CRTC3: variants seen among roughly 807,000 people sequenced by gnomAD.
CRTC3 encodes the protein CREB regulated transcription coactivator 3, also known as CREB-regulated transcription coactivator 3.
In CRTC3, 26 loss-of-function variants were observed where a neutral mutation model predicts 74.5. The observed-to-expected ratio is 0.35, with a 90% CI of 0.26 to 0.48. CRTC3 has a LOEUF of 0.48. Among genes scored for constraint, CRTC3 ranks in the 20% least tolerant of loss-of-function variants. The pLI is 0.99. For missense variants in CRTC3, 760 were observed against 787.3 expected (o/e 0.97, Z 0.41); for synonymous variants, 377 against 325.8 (o/e 1.16, Z -1.69).
chr15:90,620,619 C>T (rs1968618765), intron 9 of CRTC3, among the ~76,000 whole-genome samples: 1 of 152,008 alleles, frequency 6.6e-6, no homozygotes, highest in Non-Finnish European at 1.5e-5. Flanking sequence ...GAGAGGACCC[C>T]TTGGAACTCG....
chr15:90,631,151 C>G (rs544789612), intron 11 of CRTC3, among the ~76,000 whole-genome samples: 16 of 152,266 alleles, frequency 1.1e-4, no homozygotes, highest in African/African-American at 2.9e-4. Context: ...CAGAACACAA[C>G]GGAGAGTTAG....
chr15:90,640,857 G>T (rs1969412696), intron 13 of CRTC3, among the ~76,000 whole-genome samples: 1 of 152,082 alleles, frequency 6.6e-6, no homozygotes, highest in South Asian at 2.1e-4. Flanking sequence ...GGTGTAGTGG[G>T]CTGGGGAAAA....
intron 2 of CRTC3, among the ~76,000 whole-genome samples, chr15:90,554,454 C>T (rs940860274): frequency 7.2e-5 from 11 of 152,290 alleles, no homozygotes; most frequent in Admixed American, 5.2e-4. Context: ...CCTCCCGCCT[C>T]GGCCTCCCAA....
At chr15:90,601,509 C>T (rs1386222361) in intron 3 of CRTC3, among the ~76,000 whole-genome samples, 2 of 152,086 alleles carry the variant, frequency 1.3e-5, no homozygotes, top group Admixed American at 1.3e-4. Context: ...CAAAATTAGC[C>T]GGGTGTGGTG....
intron 4 of CRTC3, among the ~76,000 whole-genome samples, chr15:90,602,892 T>C (rs1386671597): frequency 2.0e-5 from 3 of 151,960 alleles, no homozygotes; most frequent in Non-Finnish European, 4.4e-5. Context: ...GAGAGTTGCT[T>C]GAACCAGAGA....
chr15:90,539,765 C>T, intron 1 of CRTC3: 3 of 361,268 alleles, frequency 8.3e-6, no homozygotes, highest in South Asian at 3.2e-5. Context: ...AAGATTATGC[C>T]AGTGTATCCA....
intron 2 of CRTC3, among the ~76,000 whole-genome samples, chr15:90,576,572 T>C (rs1967408901): frequency 6.6e-6 from 1 of 152,028 alleles, no homozygotes; most frequent in Non-Finnish European, 1.5e-5. Flanking sequence ...TGGAGTGATA[T>C]GACAGAGCCC....
At chr15:90,631,579 T>C (rs1969038939) in intron 11 of CRTC3, among the ~76,000 whole-genome samples, 1 of 151,730 alleles carries the variant, frequency 6.6e-6, no homozygotes, top group South Asian at 2.1e-4. Context: ...AATACAAAAA[T>C]TAACCGGGCA....
intron 5 of CRTC3, 110 bp from the exon 6 acceptor site, chr15:90,607,268 A>T: frequency 7.4e-6 from 5 of 674,192 alleles, no homozygotes; most frequent in South Asian, 1.9e-5. Context: ...ATGGTTGATT[A>T]TAAATCAGTT....
In CRTC3 at chr15:90,618,075, G is replaced by A. The variant is rs116154571; in HGVS notation, c.699+107G>A. Reference sequence around the variant, plus strand: ...AGCAAGAGGAACTGGGGGAAAAGGAGAAGATTTGTCTGAGAACAGAGATAA... The same window carrying A: ...AGCAAGAGGAACTGGGGGAAAAGGAAAAGATTTGTCTGAGAACAGAGATAA... On this transcript the variant is annotated intron_variant, in intron 8 of 14. Transcript: ENST00000268184. 1,182 of 692,108 alleles carry A rather than the reference G, an allele frequency of 1.7e-3. 6 individuals carry two copies. In the African/African-American group the frequency reaches 0.018, roughly 10 times the overall value. The allele number at this position is 692,108 out of a possible 1,614,324, so 42.9% of individuals were successfully genotyped here.
At chr15:90,598,610 A>G (rs1344651557) in intron 3 of CRTC3, 3 of 687,600 alleles carry the variant, frequency 4.4e-6, no homozygotes, top group Non-Finnish European at 7.9e-6. Context: ...GCCTCACTAA[A>G]TGAGATGGAC....
chr15:90,604,978 C>G (rs1968176350), intron 5 of CRTC3, among the ~76,000 whole-genome samples: 1 of 152,220 alleles, frequency 6.6e-6, no homozygotes, highest in African/African-American at 2.4e-5. Flanking sequence ...TGAAAAAATG[C>G]AGCTGAGCAT....
intron 2 of CRTC3, among the ~76,000 whole-genome samples, chr15:90,591,976 TC>T (rs1291924619): frequency 6.6e-6 from 1 of 152,226 alleles, no homozygotes; most frequent in African/African-American, 2.4e-5. Context: ...CAGAAGTTTT[TC>T]CTTGGTAAGA....
rs2151101408 is a variant in CRTC3 at position 90,644,830 on chromosome 15, C to T, written c.*2690C>T. 1 of 232,228 alleles carries T rather than the reference C, an allele frequency of 4.3e-6. No individual in the cohort carries two copies. The highest frequency in any genetic ancestry group is 8.5e-6 in the Non-Finnish European group (1 of 117,388). The allele number at this position is 232,228 out of a possible 1,614,324, so 14.4% of individuals were successfully genotyped here. ...GCATACTTCAGAGTAAACTATTTTT[C>T]ATTATTTAGTTTTGTCACAAGAAAT... is the stretch of plus-strand genomic sequence containing the variant. On this transcript the variant is annotated 3_prime_UTR_variant, in exon 15 of 15. Coordinates refer to ENST00000268184, the MANE Select transcript of CRTC3 (RefSeq NM_022769.5).
chr15:90,641,682 C>A (rs1969448970), intron 14 of CRTC3, among the ~76,000 whole-genome samples: 3 of 133,618 alleles, frequency 2.2e-5, no homozygotes, highest in Non-Finnish European at 4.6e-5. Context: ...GGGCAACAGT[C>A]TCCAAAAAAA....
chr15:90,629,816 G>A (rs759678319), intron 11 of CRTC3, among the ~76,000 whole-genome samples: 5 of 152,022 alleles, frequency 3.3e-5, no homozygotes, highest in Non-Finnish European at 7.4e-5. Context: ...CTCACCTCCC[G>A]GGCTCAAGCG....
intron 2 of CRTC3, among the ~76,000 whole-genome samples, chr15:90,545,873 TG>T (rs1567161153): frequency 6.6e-6 from 1 of 152,180 alleles, no homozygotes; most frequent in East Asian, 1.9e-4. Flanking sequence ...CCACTGCGCC[TG>T]GCCTTGTCTA....
At chr15:90,563,940 T>G (rs926456632) in intron 2 of CRTC3, among the ~76,000 whole-genome samples, 3 of 152,244 alleles carry the variant, frequency 2.0e-5, no homozygotes, top group Non-Finnish European at 4.4e-5. Context: ...TTTCTACCAC[T>G]TCTATCATGA....
chr15:90,534,997 TAAAAATACAAAA>T (rs1966693739), intron 1 of CRTC3, among the ~76,000 whole-genome samples: 1 of 151,832 alleles, frequency 6.6e-6, no homozygotes, highest in African/African-American at 2.4e-5. Context: ...CCGTCTCTAC[TAAAAATACAAAA>T]AATTAGCCAG....
Sources: gnomAD v4.1 joint callset for allele counts (sites outside exome capture counted in the v4.1 genomes callset) on GRCh38, gnomAD v4.1.1 for gene constraint, MANE v1.5 for transcripts, NCBI Gene and HGNC (gene_info 2026-07-23, HGNC 2026-07-21) for gene names.